ZDHHC20: variants seen among roughly 807,000 people sequenced by gnomAD.
The protein encoded by ZDHHC20 is palmitoyltransferase ZDHHC20.
ZDHHC20 carries 43 observed loss-of-function variants against 57.8 expected under a neutral mutation model. That is an observed-to-expected ratio of 0.74 (90% confidence interval 0.58 to 0.96). ZDHHC20 has a LOEUF of 0.96. ZDHHC20 is among the 40% of genes least tolerant of loss of function. The probability of loss-of-function intolerance (pLI) is 0.00; values close to 1 mark genes in which losing one functional copy is unlikely to be tolerated. For synonymous variants in ZDHHC20, 157 were observed against 153.0 expected (o/e 1.03, Z -0.19); for missense variants, 391 against 441.1 (o/e 0.89, Z 1.02).
intron 1 of ZDHHC20, among the ~76,000 whole-genome samples, chr13:21,454,325 CAAAACAAAAACA>C (rs527759807): frequency 2.0e-5 from 3 of 151,866 alleles, no homozygotes; most frequent in African/African-American, 4.8e-5. Context: ...GACTCCATCT[CAAAACAAAAACA>C]AAAACAAAAA....
intron 1 of ZDHHC20, among the ~76,000 whole-genome samples, chr13:21,457,746 A>C (rs1038028871): frequency 6.6e-6 from 1 of 152,242 alleles, no homozygotes; most frequent in African/African-American, 2.4e-5. Context: ...TTTTAACCAA[A>C]TACTTGGTTG....
At chr13:21,438,598 C>T (rs1349406646) in intron 1 of ZDHHC20, among the ~76,000 whole-genome samples, 1 of 152,078 alleles carries the variant, frequency 6.6e-6, no homozygotes, top group Non-Finnish European at 1.5e-5. Flanking sequence ...GGCATCTATA[C>T]CTGGTGAAGA....
intron 4 of ZDHHC20, among the ~76,000 whole-genome samples, chr13:21,413,238 C>G (rs1879473216): frequency 6.6e-6 from 1 of 152,050 alleles, no homozygotes; most frequent in Non-Finnish European, 1.5e-5. Context: ...TACATCTGAA[C>G]AAGTTTCTTC....
At chr13:21,402,963 A>G (rs979125121) in intron 4 of ZDHHC20, 97 bp from the exon 5 acceptor site, 1 of 843,982 alleles carries the variant, frequency 1.2e-6, no homozygotes, top group Admixed American at 2.3e-5. Context: ...ACTCTGGGTA[A>G]TTGATAACTA....
At chr13:21,414,661 G>A (rs1489574301) in intron 3 of ZDHHC20, among the ~76,000 whole-genome samples, 14 of 151,728 alleles carry the variant, frequency 9.2e-5, no homozygotes, top group Admixed American at 2.6e-4. Context: ...GTGAGCCACC[G>A]CGCCCGGCCT....
At chr13:21,447,192 G>A (rs1042148004) in intron 1 of ZDHHC20, among the ~76,000 whole-genome samples, 4 of 150,676 alleles carry the variant, frequency 2.7e-5, no homozygotes, top group African/African-American at 7.3e-5. Flanking sequence ...ACCAGAGACC[G>A]CCGAGGTGCG....
At chr13:21,458,645 A>C (rs537130580) in intron 1 of ZDHHC20, among the ~76,000 whole-genome samples, 96 of 152,316 alleles carry the variant, frequency 6.3e-4, no homozygotes, top group African/African-American at 2.3e-3. Context: ...ACAATCCAGA[A>C]GGAACAGATT....
At chr13:21,426,976 A>G (rs1384240622) in intron 1 of ZDHHC20, among the ~76,000 whole-genome samples, 4 of 152,086 alleles carry the variant, frequency 2.6e-5, no homozygotes, top group Non-Finnish European at 5.9e-5. Context: ...GTGGTTTCCC[A>G]AATGCATCAA....
At chr13:21,431,602 A>G (rs565158636) in intron 1 of ZDHHC20, among the ~76,000 whole-genome samples, 1 of 152,394 alleles carries the variant, frequency 6.6e-6, no homozygotes, top group African/African-American at 2.4e-5. Flanking sequence ...ACTTCCACTT[A>G]CAATGGATCA....
intron 1 of ZDHHC20, among the ~76,000 whole-genome samples, chr13:21,435,537 G>A (rs1882454251): frequency 1.3e-5 from 2 of 152,158 alleles, no homozygotes. Flanking sequence ...TAAAATACGT[G>A]TTAGATTATA....
At chr13:21,376,739 T>C in intron 12 of ZDHHC20, 84 bp from the exon 13 acceptor site, 3 of 780,088 alleles carry the variant, frequency 3.8e-6, no homozygotes. Flanking sequence ...TGGGCTAAGG[T>C]ACAAAGCTAC....
At chr13:21,431,477 ATTAC>A (rs1881934960) in intron 1 of ZDHHC20, among the ~76,000 whole-genome samples, 1 of 85,944 alleles carries the variant, frequency 1.2e-5, no homozygotes, top group African/African-American at 3.4e-5. Context: ...ATCAATTTTC[ATTAC>A]TTAATATCTA....
Position 21,397,268 on chromosome 13 carries a change from G to A in ZDHHC20, c.594+3105C>T, listed in dbSNP as rs528428340. On this transcript the variant is annotated intron_variant, in intron 7 of 12. Coordinates refer to ENST00000400590, the MANE Select transcript of ZDHHC20 (RefSeq NM_001330059.2). ...TTGAACCCAGGAAGTGGAGGTTGCA[G>A]TGAGCCGAGATTGTGCCATCACACT... Among the ~76,000 whole-genome samples, 928 of 151,916 alleles carry A rather than the reference G, an allele frequency of 6.1e-3. 10 individuals carry two copies. Among genetic ancestry groups the A allele is most frequent in the African/African-American group, 0.021 (857 of 41,380 alleles).
At chr13:21,410,776 G>C (rs1019420449) in intron 4 of ZDHHC20, among the ~76,000 whole-genome samples, 10 of 152,230 alleles carry the variant, frequency 6.6e-5, no homozygotes, top group Non-Finnish European at 1.5e-5. Flanking sequence ...TTTCAAGCCA[G>C]TGGATCTTAG....
At position 21,400,538 on chromosome 13, in the gene ZDHHC20, C is replaced by T. The variant is rs139457078; in HGVS notation, c.474-45G>A. ...CACATTATAAAAGTAAGACAAATCA[C>T]AAATTCACAGAAATAGAAAGTAGGA... On this transcript the variant is annotated intron_variant, in intron 6 of 12. Coordinates refer to ENST00000400590, the MANE Select transcript of ZDHHC20 (RefSeq NM_001330059.2). The T allele has an allele frequency of 7.7e-4, 1,167 of 1,514,962 alleles. 7 individuals carry two copies. In the African/African-American group the frequency reaches 0.014, roughly 18 times the overall value. The allele number at this position is 1,514,962 out of a possible 1,614,324, so 93.8% of individuals were successfully genotyped here. A position where few individuals can be genotyped will look rare whatever the true frequency, so the allele number is the denominator to read the frequency against.
At chr13:21,411,126 C>A (rs889433186) in intron 4 of ZDHHC20, among the ~76,000 whole-genome samples, 8 of 152,182 alleles carry the variant, frequency 5.3e-5, no homozygotes, top group Admixed American at 1.3e-4. Context: ...AGTTCCCCGA[C>A]CCCTTGTGCT....
intron 8 of ZDHHC20, among the ~76,000 whole-genome samples, chr13:21,391,464 A>G (rs1285599398): frequency 6.6e-6 from 1 of 152,178 alleles, no homozygotes; most frequent in Non-Finnish European, 1.5e-5. Flanking sequence ...GTCACAATTA[A>G]TTTTACTACA....
Position 21,421,123 on chromosome 13 carries a change from CAA to C in ZDHHC20, c.185_186del (p.Phe62CysfsTer28). 1.2e-6 allele frequency: 2 copies of C among 1,613,234 alleles called. No individual in the cohort carries two copies. Among genetic ancestry groups the C allele is most frequent in the Non-Finnish European group, 1.7e-6 (2 of 1,179,670 alleles). On this transcript the variant is annotated frameshift_variant, in exon 3 of 13. Coordinates refer to ENST00000400590, the MANE Select transcript of ZDHHC20 (RefSeq NM_001330059.2). LOFTEE classifies it high-confidence loss of function. ...VVYLVAFHLFFVMFVWSYWMT... is the reference protein window; with the variant it reads ...VVYLVAFHLFXVMFVWSYWMT... ...ATCCAATAGGACCATACAAACATAA[CAA>C]AGAACAGATGGAAAGCCACAAGGTA...
rs749500612 is a variant in ZDHHC20 at position 21,381,494 on chromosome 13, A to G, written c.1000T>C (p.Leu334=). 1 of 1,613,888 alleles carries G rather than the reference A, an allele frequency of 6.2e-7. No individual in the cohort carries two copies. The highest frequency in any genetic ancestry group is 2.2e-5 in the East Asian group (1 of 44,874). ...AGCCACTGAGATTCACTGTCCAACA[A>G]GCGGTTTTTTGATTCACTAAGTGGT... is the stretch of plus-strand genomic sequence containing the variant. ...IKPLSESKNR[L]LDSESQWLEN... Residue 334 remains leucine, a synonymous_variant, in exon 11 of 13, where the codon TTG becomes CTG. Transcript: ENST00000400590.
Sources: gnomAD v4.1 joint callset for allele counts (sites outside exome capture counted in the v4.1 genomes callset) on GRCh38, gnomAD v4.1.1 for gene constraint, MANE v1.5 for transcripts, NCBI Gene and HGNC (gene_info 2026-07-23, HGNC 2026-07-21) for gene names.